Variants in CD163L1 observed in about 807,000 individuals in gnomAD.
The protein encoded by CD163L1 is CD163 molecule like 1.
A neutral mutation model predicts 165.4 loss-of-function variants in CD163L1; 124 were observed. The ratio of observed to expected loss-of-function variants is 0.75; its 90% CI spans 0.65 to 0.87. The LOEUF (loss-of-function observed/expected upper bound fraction) is 0.87. CD163L1 is among the 40% of genes least tolerant of loss of function. The pLI is 0.00. For synonymous variants in CD163L1, 585 were observed against 662.2 expected, an observed-to-expected ratio of 0.88 and a Z score of 1.79; for missense variants, 1,525 against 1,799.9, an observed-to-expected ratio of 0.85 and a Z score of 2.76.
the CD163L1 span, chr12:7,328,233 G>A: frequency 2.9e-6 from 4 of 1,376,642 alleles, no homozygotes; most frequent in African/African-American, 5.8e-5. Flanking sequence ...CTATCGCACG[G>A]ACAATTGGAA....
the CD163L1 span, among the ~76,000 whole-genome samples, chr12:7,321,890 C>G: frequency 6.6e-6 from 1 of 152,204 alleles, no homozygotes; most frequent in African/African-American, 2.4e-5. Flanking sequence ...AAGTGACATG[C>G]TTGGTGAGAT....
rs139871106 is a variant in CD163L1, at chr12:7,365,346, T to C, written c.4279+1890A>G. ...AAACACTGGGAAACACTCCAGGATA[T>C]TGGTCTGGGCAAAGATTTTTGGGTA... is the stretch of plus-strand genomic sequence containing the variant. On this transcript the variant is annotated intron_variant, in intron 18 of 19. Coordinates refer to ENST00000313599, the MANE Select transcript of CD163L1 (RefSeq NM_174941.6). Among the ~76,000 whole-genome samples, 328 of 152,210 alleles carry C rather than the reference T, an allele frequency of 2.2e-3. 2 individuals are homozygous for C. The highest frequency in any genetic ancestry group is 7.3e-3 in the African/African-American group (305 of 41,558).
At chr12:7,344,133 G>A (rs1165533758), downstream of CD163L1, among the ~76,000 whole-genome samples, 2 of 151,074 alleles carry the variant, frequency 1.3e-5, no homozygotes, top group African/African-American at 4.9e-5. Context: ...TTGGGCTGTA[G>A]TGCAGTGGGT....
Position 7,403,529 on chromosome 12 carries a change from C to T in CD163L1, c.1408+6G>A, listed in dbSNP as rs369043883. ...TGTGTACACTCTCATGATCTTTGAA[C>T]CTTACCAGAACAAATTACTCCAGCA... On this transcript the variant is annotated splice_donor_region_variant and intron_variant, in intron 6 of 19. Transcript: ENST00000313599. 5 of 1,606,348 alleles carry T rather than the reference C, an allele frequency of 3.1e-6. No individual in the cohort carries two copies. The highest frequency in any genetic ancestry group is 1.3e-5 in the African/African-American group (1 of 74,876).
chr12:7,396,856 C>CAG (rs142053662), intron 7 of CD163L1, among the ~76,000 whole-genome samples: 11 of 116,972 alleles, frequency 9.4e-5, no homozygotes, highest in East Asian at 7.1e-4. Context: ...CACACACACA[C>CAG]AGAGAGAGAG....
chr12:7,335,290 A>C, the CD163L1 span, among the ~76,000 whole-genome samples: 2 of 152,216 alleles, frequency 1.3e-5, no homozygotes, highest in African/African-American at 4.8e-5. Flanking sequence ...GTACCAAAAC[A>C]GATATATAGA....
chr12:7,330,484 G>A, the CD163L1 span, among the ~76,000 whole-genome samples: 1 of 152,104 alleles, frequency 6.6e-6, no homozygotes, highest in Admixed American at 6.5e-5. Flanking sequence ...CAAATTCAGG[G>A]AACCCCTGCA....
intron 8 of CD163L1, among the ~76,000 whole-genome samples, chr12:7,384,461 C>T (rs1947473899): frequency 6.6e-6 from 1 of 152,138 alleles, no homozygotes; most frequent in Non-Finnish European, 1.5e-5. Flanking sequence ...AATTGATACA[C>T]CTCCTCCCAC....
chr12:7,433,304 C>G, intron 3 of CD163L1, 70 bp downstream of exon 3: 2 of 1,381,846 alleles, frequency 1.4e-6, no homozygotes, highest in Non-Finnish European at 2.0e-6. Context: ...TAATAGAAAC[C>G]CCTACCTTCC....
At chr12:7,411,554 T>G (rs1159352588) in intron 4 of CD163L1, among the ~76,000 whole-genome samples, 3 of 152,162 alleles carry the variant, frequency 2.0e-5, no homozygotes, top group Non-Finnish European at 4.4e-5. Context: ...CCTTGCTCCC[T>G]TCTCTCTTGC....
rs1341657462 is a variant in CD163L1, at chr12:7,368,321, T to G, written c.4073-124A>C. On this transcript the variant is annotated intron_variant, in intron 16 of 19. Transcript: ENST00000313599. The surrounding 1 kb of genome is among the most constrained non-coding windows in gnomAD (Gnocchi z 4.3). ...ATAATGGCTATACATTTCAACATAT[T>G]CATGAACAGTACGTAATCTTTGAGA... 1.7e-6 allele frequency: 1 copy of G among 571,764 alleles called. No homozygotes were observed. Among genetic ancestry groups the G allele is most frequent in the Non-Finnish European group, 3.1e-6 (1 of 320,634 alleles). The allele number at this position is 571,764 out of a possible 1,614,324, so 35.4% of individuals were successfully genotyped here.
At chr12:7,439,809 C>A in intron 2 of CD163L1, 1 of 1,613,836 alleles carries the variant, frequency 6.2e-7, no homozygotes, top group South Asian at 1.1e-5. Context: ...TCTTCTCCAC[C>A]TCGAACACAT....
At chr12:7,401,719 G>A (rs931327753) in intron 6 of CD163L1, among the ~76,000 whole-genome samples, 1 of 151,760 alleles carries the variant, frequency 6.6e-6, no homozygotes, top group Non-Finnish European at 1.5e-5. Flanking sequence ...AGCACAAAGG[G>A]TACACACATA....
chr12:7,413,433 C>T lies in CD163L1; in HGVS notation c.767-6581G>A, dbSNP rs186846934. 1.2e-4 allele frequency among the ~76,000 whole-genome samples: 19 copies of T among 152,288 alleles called. No homozygotes were observed. In the East Asian group the frequency reaches 2.9e-3, roughly 23 times the overall value. ...ATGAGTGGAGGCTTACAGCAACCAG[C>T]GGATGCTAGTAATTAGACACACATC... On this transcript the variant is annotated intron_variant, in intron 4 of 19. Transcript: ENST00000313599.
chr12:7,402,841 C>G (rs1293454124), intron 6 of CD163L1, among the ~76,000 whole-genome samples: 2 of 151,886 alleles, frequency 1.3e-5, no homozygotes, highest in African/African-American at 2.4e-5. Flanking sequence ...GCTATATTAC[C>G]CAAGTTGATT....
At chr12:7,413,261 A>G (rs916143057) in intron 4 of CD163L1, among the ~76,000 whole-genome samples, 1 of 152,054 alleles carries the variant, frequency 6.6e-6, no homozygotes, top group Non-Finnish European at 1.5e-5. Context: ...GATTTCTCCC[A>G]TGGGAGAAGG....
chr12:7,356,458 G>A (rs1424776434), intron 19 of CD163L1, among the ~76,000 whole-genome samples: 1 of 152,036 alleles, frequency 6.6e-6, no homozygotes, highest in Non-Finnish European at 1.5e-5. Flanking sequence ...GGTCAAATTT[G>A]AAATAGTTTT....
At chr12:7,360,388 C>T (rs1451766414) in intron 18 of CD163L1, among the ~76,000 whole-genome samples, 1 of 152,102 alleles carries the variant, frequency 6.6e-6, no homozygotes, top group African/African-American at 2.4e-5. Flanking sequence ...GGTGATCCAC[C>T]CACCTCGGCT....
chr12:7,414,202 G>A (rs778820734), intron 4 of CD163L1, among the ~76,000 whole-genome samples: 10 of 152,198 alleles, frequency 6.6e-5, no homozygotes, highest in African/African-American at 2.4e-4. Context: ...AGAGAACATA[G>A]ATAGGCAACT....
Sources: gnomAD v4.1 joint callset for allele counts (sites outside exome capture counted in the v4.1 genomes callset) on GRCh38, gnomAD v4.1.1 for gene constraint, Gnocchi (gnomAD v3.1) non-coding constraint, MANE v1.5 for transcripts, NCBI Gene and HGNC (gene_info 2026-07-23, HGNC 2026-07-21) for gene names.